The following RNF17 variants were observed in gnomAD, a reference collection of about 807,000 sequenced individuals.
RNF17 encodes the protein spermatogenesis associated 23.
Under a neutral mutation model 200.5 loss-of-function variants are expected in RNF17, and 31 were observed. The observed-to-expected ratio is 0.15, with a 90% confidence interval of 0.12 to 0.21. The LOEUF is 0.21. Ranked by LOEUF, RNF17 falls within the 10% of genes least tolerant of loss-of-function variation. The probability of loss-of-function intolerance (pLI) is 1.00; values close to 1 mark genes in which losing one functional copy is unlikely to be tolerated. For missense variants in RNF17, 1,628 were observed against 1,905.1 expected (o/e 0.85, Z 2.71); for synonymous variants, 606 against 637.8 (o/e 0.95, Z 0.75).
intron 6 of RNF17, among the ~76,000 whole-genome samples, chr13:24,783,410 A>G (rs1422554500): frequency 1.3e-5 from 2 of 152,098 alleles, no homozygotes; most frequent in Non-Finnish European, 2.9e-5. Flanking sequence ...GGACTTTTCA[A>G]TTTTCACAAA....
chr13:24,887,551 T>C, the RNF17 span, among the ~76,000 whole-genome samples: 2 of 152,212 alleles, frequency 1.3e-5, no homozygotes, highest in Non-Finnish European at 2.9e-5. Context: ...CCTGATGATC[T>C]GTCACTGTCT....
intron 2 of RNF17, among the ~76,000 whole-genome samples, chr13:24,770,445 G>T (rs1228665277): frequency 6.6e-6 from 1 of 152,038 alleles, no homozygotes; most frequent in Non-Finnish European, 1.5e-5. Context: ...AAACTATCTG[G>T]AAGAAATGTC....
At chr13:24,751,658 A>G in the RNF17 span, 3 of 152,178 alleles carry the variant, frequency 2.0e-5, no homozygotes, top group East Asian at 3.8e-4. Flanking sequence ...ATCAACACAC[A>G]GTTGTTTGAA....
chr13:24,830,166 C>CT (rs1282840306), intron 16 of RNF17, among the ~76,000 whole-genome samples: 1 of 152,096 alleles, frequency 6.6e-6, no homozygotes, highest in African/African-American at 2.4e-5. Flanking sequence ...AGTGACGGAG[C>CT]TAGTGTTCAA....
intron 33 of RNF17, among the ~76,000 whole-genome samples, chr13:24,875,918 CAG>C (rs1363891925): frequency 6.6e-6 from 1 of 152,210 alleles, no homozygotes; most frequent in African/African-American, 2.4e-5. Context: ...AAAGCTTCAC[CAG>C]AGAGTCCTTC....
At chr13:24,879,092 A>T in intron 34 of RNF17, 95 bp from the exon 35 acceptor site, 1 of 838,350 alleles carries the variant, frequency 1.2e-6, no homozygotes, top group Non-Finnish European at 2.0e-6. Context: ...GCCCCTGAGA[A>T]CACCTTTTCA....
At chr13:24,858,148 G>A (rs1251958517) in intron 25 of RNF17, among the ~76,000 whole-genome samples, 4 of 152,110 alleles carry the variant, frequency 2.6e-5, no homozygotes, top group Non-Finnish European at 5.9e-5. Flanking sequence ...GGGTATGGTA[G>A]CTATGAATTT....
At chr13:24,788,198 A>C (rs1883363923) in intron 7 of RNF17, 39 bp downstream of exon 7, 1 of 1,456,154 alleles carries the variant, frequency 6.9e-7, no homozygotes, top group African/African-American at 1.4e-5. Flanking sequence ...TTTCTGTGGT[A>C]GCTTATTTTA....
chr13:24,829,626 T>C (rs1889165788), intron 16 of RNF17, among the ~76,000 whole-genome samples: 1 of 152,234 alleles, frequency 6.6e-6, no homozygotes. Context: ...TGCCACTTGC[T>C]TCTACTTCTC....
At chr13:24,773,059 G>A (rs1362136219) in intron 2 of RNF17, among the ~76,000 whole-genome samples, 3 of 152,148 alleles carry the variant, frequency 2.0e-5, no homozygotes, top group Non-Finnish European at 4.4e-5. Context: ...AAAACTAACA[G>A]ATGTTGTCAA....
At chr13:24,763,025 T>C (rs550755172), upstream of RNF17, among the ~76,000 whole-genome samples, 1 of 152,314 alleles carries the variant, frequency 6.6e-6, no homozygotes, top group South Asian at 2.1e-4. Flanking sequence ...CCCTCGCTGA[T>C]GTGTTCTTTA....
chr13:24,748,006 G>A, the RNF17 span, among the ~76,000 whole-genome samples: 1 of 152,230 alleles, frequency 6.6e-6, no homozygotes, highest in Admixed American at 6.5e-5. Flanking sequence ...CTGCCGGGGC[G>A]GGGCTGCTGG....
chr13:24,819,481 A>G (rs1593337223), intron 15 of RNF17, among the ~76,000 whole-genome samples: 2 of 152,322 alleles, frequency 1.3e-5, no homozygotes, highest in East Asian at 1.9e-4. Context: ...TGCAAATATT[A>G]TAGTATCAGG....
At chr13:24,845,540 G>A (rs1891168095) in intron 22 of RNF17, among the ~76,000 whole-genome samples, 1 of 152,166 alleles carries the variant, frequency 6.6e-6, no homozygotes, top group East Asian at 1.9e-4. Context: ...ACTTCTGTGA[G>A]CCCTCAAATA....
At chr13:24,771,350 T>TTTTTTTTC in intron 2 of RNF17, among the ~76,000 whole-genome samples, 1 of 115,452 alleles carries the variant, frequency 8.7e-6, no homozygotes, top group Non-Finnish European at 1.7e-5. Context: ...TTTTTTTTTT[T>TTTTTTTTC]GGAAGAGGTG....
chr13:24,873,820 C>G (rs1243148512), intron 32 of RNF17, among the ~76,000 whole-genome samples: 7 of 152,130 alleles, frequency 4.6e-5, no homozygotes, highest in African/African-American at 1.7e-4. Flanking sequence ...CGATATTTGT[C>G]TTTCTGTGCT....
At chr13:24,841,330 C>T (rs1453299269) in intron 18 of RNF17, among the ~76,000 whole-genome samples, 2 of 152,178 alleles carry the variant, frequency 1.3e-5, no homozygotes, top group Admixed American at 1.3e-4. Context: ...TTTATAAAAG[C>T]TTAAACCTTT....
intron 34 of RNF17, among the ~76,000 whole-genome samples, chr13:24,878,000 C>T (rs1413263644): frequency 6.6e-6 from 1 of 152,202 alleles, no homozygotes; most frequent in African/African-American, 2.4e-5. Flanking sequence ...ACTAGGAATC[C>T]TGGGTCTCCC....
intron 35 of RNF17, 142 bp downstream of exon 35, chr13:24,879,437 T>G: frequency 1.6e-6 from 1 of 616,866 alleles, no homozygotes; most frequent in Non-Finnish European, 2.9e-6. Context: ...CATAGGCCCT[T>G]CTCACCTATT....
Sources: allele counts gnomAD v4.1 joint callset (sites outside exome capture counted in the v4.1 genomes callset), GRCh38; gene constraint gnomAD v4.1.1; transcripts MANE v1.5; gene names NCBI Gene and HGNC (gene_info 2026-07-23, HGNC 2026-07-21).